The following NR1D2 variants were observed in gnomAD, a reference collection of about 807,000 sequenced individuals.
The protein encoded by NR1D2 is V-erbA-related protein 1-related.
NR1D2 carries 25 observed loss-of-function variants against 52.2 expected under a neutral mutation model. The ratio of observed to expected loss-of-function variants is 0.48; its 90% CI spans 0.35 to 0.67. NR1D2 has a LOEUF of 0.67. Among genes scored for constraint, NR1D2 ranks in the 30% least tolerant of loss-of-function variants. The pLI is 0.01. For synonymous variants in NR1D2, 259 were observed against 230.1 expected, an observed-to-expected ratio of 1.13 and a Z score of -1.14; for missense variants, 681 against 707.2, an observed-to-expected ratio of 0.96 and a Z score of 0.42.
chr3:23,967,927 C>CTA lies in NR1D2; in HGVS notation c.1448_1449dup (p.Asn484Ter). 1 of 1,614,056 alleles carries CTA rather than the reference C, an allele frequency of 6.2e-7. No homozygotes were observed. The highest frequency in any genetic ancestry group is 8.5e-7 in the Non-Finnish European group (1 of 1,179,956). ...ACACTCAATGGGAGCAGGGGATCTGCTAAACTCTATGTTTGAATTTAGTGA... is the reference window on the plus strand; with the variant it reads ...ACACTCAATGGGAGCAGGGGATCTGCTATAAACTCTATGTTTGAATTTAGTGA... On this transcript the variant is annotated frameshift_variant, in exon 7 of 8. Coordinates refer to ENST00000312521, the MANE Select transcript of NR1D2 (RefSeq NM_005126.5). LOFTEE classifies it high-confidence loss of function.
intron 7 of NR1D2, among the ~76,000 whole-genome samples, chr3:23,974,083 G>A (rs1319323872): frequency 4.7e-5 from 4 of 85,384 alleles, no homozygotes; most frequent in African/African-American, 1.4e-4. Flanking sequence ...CTGCTTTACA[G>A]TTACCTTTTT....
At chr3:23,974,088 CTTTTTTTTTTTTTT>C (rs60587118) in intron 7 of NR1D2, among the ~76,000 whole-genome samples, 2 of 79,508 alleles carry the variant, frequency 2.5e-5, no homozygotes, top group South Asian at 6.0e-4. Context: ...TTACAGTTAC[CTTTTTTTTTTTTTT>C]TTTTTTTTTT....
intron 3 of NR1D2, among the ~76,000 whole-genome samples, chr3:23,958,209 G>T (rs1559332565): frequency 6.6e-6 from 1 of 152,236 alleles, no homozygotes; most frequent in Admixed American, 6.5e-5. Flanking sequence ...CTGGCACGTA[G>T]TCAGTGATTT....
chr3:23,973,741 G>T (rs1706650758), intron 7 of NR1D2, among the ~76,000 whole-genome samples: 1 of 151,954 alleles, frequency 6.6e-6, no homozygotes, highest in African/African-American at 2.4e-5. Flanking sequence ...AGCTTTTTGA[G>T]TCTTGTAGTA....
rs574820807 is a variant in NR1D2, at chr3:23,960,947, C to T, written c.518-1030C>T. Among the ~76,000 whole-genome samples the T allele has an allele frequency of 5.3e-5, 8 of 152,252 alleles. 1 individual carries two copies. The South Asian group carries it at 1.2e-3, about 24-fold the overall frequency. On this transcript the variant is annotated intron_variant, in intron 4 of 7. Transcript: ENST00000312521. ...GACTGTGAAAGAAGCTTTTCTTTCT[C>T]TCATGGATAGGATTATTGGAGACAA...
At chr3:23,966,882 T>A (rs1242624486) in intron 6 of NR1D2, among the ~76,000 whole-genome samples, 1 of 151,332 alleles carries the variant, frequency 6.6e-6, no homozygotes, top group Non-Finnish European at 1.5e-5. Context: ...ATACAAAAAT[T>A]AGCTGGGTGT....
chr3:23,962,569 T>C lies in NR1D2; in HGVS notation c.1110T>C (p.Asn370=), dbSNP rs1314150910. ...IDGFSQNENK[N]SYLCNTGGRM... is the part of the protein sequence containing the mutation. Reference sequence around the variant, plus strand: ...GATTTTCTCAGAATGAGAACAAGAATAGTTACCTGTGCAACACTGGAGGAA... The same window carrying C: ...GATTTTCTCAGAATGAGAACAAGAACAGTTACCTGTGCAACACTGGAGGAA... The change falls in exon 5 of 8, where the codon AAT becomes AAC. Residue 370 remains asparagine (N), a synonymous_variant. Transcript: ENST00000312521. 5 of 1,611,722 alleles carry C rather than the reference T, an allele frequency of 3.1e-6. No homozygotes were observed. In the East Asian group the frequency reaches 8.9e-5, roughly 29 times the overall value.
In NR1D2 at chr3:23,962,427, A is replaced by G; in HGVS notation, c.968A>G (p.Lys323Arg). The G allele has an allele frequency of 6.2e-7, 1 of 1,614,204 alleles. No homozygotes were observed. The highest frequency in any genetic ancestry group is 8.5e-7 in the Non-Finnish European group (1 of 1,180,030). Reference protein sequence around the residue: ...ESQQHLNGQFKGRNIMHYPNG... With the variant: ...ESQQHLNGQFRGRNIMHYPNG... ...CAGCAGCATCTCAATGGACAGTTCA[A>G]AGGGAGGAATATAATGCATTACCCA... The change falls in exon 5 of 8, where the codon AAA (lysine) becomes AGA (arginine). Residue 323 changes from lysine (K) to arginine (R), a missense_variant. Lys to Arg is a conservative substitution (Grantham distance 26). Around this residue, in one of 3 missense-constraint regions of NR1D2, gnomAD observed 475 missense variants for 454.5 expected, o/e 1.05. Transcript: ENST00000312521.
chr3:23,954,214 G>A (rs1478303464), intron 1 of NR1D2, among the ~76,000 whole-genome samples: 1 of 152,068 alleles, frequency 6.6e-6, no homozygotes, highest in Non-Finnish European at 1.5e-5. Context: ...ACCTTATGTT[G>A]CCCAGGCTGG....
chr3:23,964,364 A>G (rs545412162), intron 5 of NR1D2, among the ~76,000 whole-genome samples: 2 of 152,338 alleles, frequency 1.3e-5, no homozygotes, highest in East Asian at 1.9e-4. Flanking sequence ...GGCGTGAGCC[A>G]CTGCGCCCGG....
rs149806445 is a variant in NR1D2 at position 23,967,837 on chromosome 3, T to G, written c.1357T>G (p.Leu453Val). ...FEVLMVRFASLFDAKERTVTF... is the reference protein window; with the variant it reads ...FEVLMVRFASVFDAKERTVTF... ...GGTTTTAATGGTACGGTTCGCATCA[T>G]TATTTGATGCAAAGGAACGTACTGT... is the stretch of plus-strand genomic sequence containing the variant. Residue 453 changes from leucine (L) to valine (V), a missense_variant, in exon 7 of 8, where the codon TTA (leucine) becomes GTA (valine). This residue lies in a region of NR1D2 where 475 missense variants were observed against 454.5 expected (regional missense o/e 1.05). Coordinates refer to ENST00000312521, the MANE Select transcript of NR1D2 (RefSeq NM_005126.5). The G allele has an allele frequency of 6.2e-7, 1 of 1,613,596 alleles. No individual in the cohort carries two copies. The highest frequency in any genetic ancestry group is 1.3e-5 in the African/African-American group (1 of 74,928).
intron 4 of NR1D2, 45 bp from the exon 5 acceptor site, chr3:23,961,932 G>T: frequency 6.6e-7 from 1 of 1,509,768 alleles, no homozygotes; most frequent in Non-Finnish European, 8.9e-7. Context: ...ATACAAAACA[G>T]GTCTTATTTA....
intron 1 of NR1D2, among the ~76,000 whole-genome samples, chr3:23,946,807 A>G (rs751616783): frequency 6.6e-6 from 1 of 152,184 alleles, no homozygotes; most frequent in African/African-American, 2.4e-5. Flanking sequence ...TTACATTGCA[A>G]CGGAACAACA....
intron 1 of NR1D2, among the ~76,000 whole-genome samples, chr3:23,951,654 G>A (rs1705937043): frequency 2.0e-5 from 3 of 152,182 alleles, no homozygotes; most frequent in Admixed American, 1.3e-4. Flanking sequence ...CGGTTGTATC[G>A]ATGAAATCAT....
rs1369354510 is a variant in NR1D2 at position 23,968,041 on chromosome 3, A to G, written c.1543+18A>G. 4 of 1,607,232 alleles carry G rather than the reference A, an allele frequency of 2.5e-6. No individual in the cohort carries two copies. Among genetic ancestry groups the G allele is most frequent in the Non-Finnish European group, 3.4e-6 (4 of 1,173,848 alleles). On this transcript the variant is annotated intron_variant, in intron 7 of 7. Coordinates refer to ENST00000312521, the MANE Select transcript of NR1D2 (RefSeq NM_005126.5). ...ATCTGCAGGTAAGCAAGCTGGTTCAAAATTGTGCCACACCTAGCATATAGT... is the reference window on the plus strand; with the variant it reads ...ATCTGCAGGTAAGCAAGCTGGTTCAGAATTGTGCCACACCTAGCATATAGT...
chr3:23,963,502 T>A, intron 5 of NR1D2: 1 of 668,108 alleles, frequency 1.5e-6, no homozygotes, highest in Non-Finnish European at 1.9e-6. Context: ...CAGGCTGGAG[T>A]GCGGTGGCGC....
rs1195031898 is a variant in NR1D2, at chr3:23,947,642, T to C, written c.16+2048T>C. Among the ~76,000 whole-genome samples, 6 of 152,360 alleles carry C rather than the reference T, an allele frequency of 3.9e-5. 1 individual carries two copies. Among genetic ancestry groups the C allele is most frequent in the Admixed American group, 3.9e-4 (6 of 15,302 alleles). On this transcript the variant is annotated intron_variant, in intron 1 of 7. Transcript: ENST00000312521. ...CAACTAGGACCTTTCACGTGAACTATTATGAAGTTAGATTTCATTCATTGT... is the reference window on the plus strand; with the variant it reads ...CAACTAGGACCTTTCACGTGAACTACTATGAAGTTAGATTTCATTCATTGT...
At chr3:23,960,636 G>GT (rs527365507) in intron 4 of NR1D2, among the ~76,000 whole-genome samples, 25 of 152,148 alleles carry the variant, frequency 1.6e-4, no homozygotes, top group African/African-American at 5.3e-4. Context: ...GTGGCCAGGA[G>GT]TTTTTTGAGT....
chr3:23,968,429 T>G (rs1184549236), intron 7 of NR1D2, among the ~76,000 whole-genome samples: 3 of 152,216 alleles, frequency 2.0e-5, no homozygotes, highest in Non-Finnish European at 4.4e-5. Context: ...GGTATTAGTG[T>G]GGTTTGTTGC....
Sources: allele counts gnomAD v4.1 joint callset (sites outside exome capture counted in the v4.1 genomes callset), GRCh38; gene constraint gnomAD v4.1.1; regional missense constraint gnomAD v4.1.1; transcripts MANE v1.5; gene names NCBI Gene and HGNC (gene_info 2026-07-23, HGNC 2026-07-21).